The following TACC1 variants were observed in gnomAD, a reference collection of about 807,000 sequenced individuals.
The protein encoded by TACC1 is transforming acidic coiled-coil containing protein 1.
TACC1 carries 48 observed loss-of-function variants against 84.4 expected under a neutral mutation model. The observed-to-expected ratio is 0.57, with a 90% confidence interval of 0.45 to 0.72. The LOEUF (loss-of-function observed/expected upper bound fraction) is 0.72, where lower values mean the gene tolerates loss of function less well. TACC1 is among the 30% of genes least tolerant of loss of function. TACC1 has a pLI of 0.00. For synonymous variants in TACC1, 372 were observed against 376.3 expected, an observed-to-expected ratio of 0.99 and a Z score of 0.13; for missense variants, 920 against 973.0, an observed-to-expected ratio of 0.95 and a Z score of 0.72.
chr8:38,760,832 T>C (rs1412823973), intron 3 of TACC1, among the ~76,000 whole-genome samples: 1 of 152,206 alleles, frequency 6.6e-6, no homozygotes, highest in Non-Finnish European at 1.5e-5. Flanking sequence ...TCAGACCTAA[T>C]TTTTGAAGTG....
chr8:38,742,933 T>G (rs2151688121), intron 2 of TACC1, among the ~76,000 whole-genome samples: 1 of 152,308 alleles, frequency 6.6e-6, no homozygotes, highest in East Asian at 1.9e-4. Flanking sequence ...CAGGCCGGTC[T>G]CGAACTCCTG....
At position 38,849,597 on chromosome 8, in the gene TACC1, A is replaced by G. The variant is rs1387201929; in HGVS notation, c.*1574A>G. On this transcript the variant is annotated 3_prime_UTR_variant, in exon 13 of 13. Transcript: ENST00000317827. ...AACCTCTATAGATCTTAAAAAATGA[A>G]TTATTCTTTAGCAGTGTATTACTCA... The G allele has an allele frequency of 6.6e-6, 1 of 152,246 alleles. No individual in the cohort carries two copies. Among genetic ancestry groups the G allele is most frequent in the Non-Finnish European group, 1.5e-5 (1 of 68,038 alleles). The allele number at this position is 152,246 out of a possible 1,614,324, so 9.4% of individuals were successfully genotyped here.
chr8:38,788,954 T>C, intron 2 of TACC1, 135 bp downstream of exon 2: 1 of 681,392 alleles, frequency 1.5e-6, no homozygotes, highest in Non-Finnish European at 2.5e-6. Context: ...TGAAACCTCC[T>C]GGCTTATGTA....
intron 11 of TACC1, among the ~76,000 whole-genome samples, chr8:38,845,654 C>G (rs541547563): frequency 6.6e-6 from 1 of 152,202 alleles, no homozygotes; most frequent in Admixed American, 6.5e-5. Flanking sequence ...AACACTACAG[C>G]GAACATCCTG....
upstream of TACC1, among the ~76,000 whole-genome samples, chr8:38,785,096 A>AG (rs1816861016): frequency 7.9e-6 from 1 of 127,192 alleles, no homozygotes; most frequent in African/African-American, 3.0e-5. Context: ...TAAGTGCTGA[A>AG]GGACGTTCGA....
At chr8:38,804,462 G>T (rs971760274) in intron 2 of TACC1, among the ~76,000 whole-genome samples, 6 of 152,066 alleles carry the variant, frequency 3.9e-5, no homozygotes, top group Non-Finnish European at 8.8e-5. Context: ...ACCATGCCTG[G>T]CTAATTTTTT....
intron 5 of TACC1, among the ~76,000 whole-genome samples, chr8:38,829,895 T>G (rs1828875424): frequency 6.6e-6 from 1 of 152,230 alleles, no homozygotes; most frequent in South Asian, 2.1e-4. Flanking sequence ...GAATCCTGAC[T>G]GTGTCCTGGT....
At chr8:38,784,401 A>G (rs1239592055), upstream of TACC1, among the ~76,000 whole-genome samples, 2 of 152,084 alleles carry the variant, frequency 1.3e-5, no homozygotes, top group Non-Finnish European at 2.9e-5. Flanking sequence ...CCCCGTCTCT[A>G]CTAAAAAATA....
intron 3 of TACC1, among the ~76,000 whole-genome samples, chr8:38,772,530 G>T (rs1813844015): frequency 1.3e-5 from 2 of 152,190 alleles, no homozygotes; most frequent in Non-Finnish European, 2.9e-5. Flanking sequence ...GGCATGTTAT[G>T]CAGTGAAGAG....
chr8:38,806,417 G>T (rs932548107), intron 2 of TACC1, among the ~76,000 whole-genome samples: 1 of 151,984 alleles, frequency 6.6e-6, no homozygotes, highest in East Asian at 1.9e-4. Context: ...ATTGAGGGGG[G>T]GCTCTCTAGC....
At chr8:38,751,160 A>G (rs923081540) in intron 3 of TACC1, among the ~76,000 whole-genome samples, 6 of 152,040 alleles carry the variant, frequency 3.9e-5, no homozygotes, top group African/African-American at 9.7e-5. Context: ...AAGGTGGCCA[A>G]TTTGAAGGGT....
intron 3 of TACC1, among the ~76,000 whole-genome samples, chr8:38,756,110 G>C (rs751907056): frequency 1.3e-5 from 2 of 151,930 alleles, no homozygotes; most frequent in Admixed American, 6.6e-5. Context: ...CACCGCGCCC[G>C]GCCGGGAAGA....
intron 2 of TACC1, among the ~76,000 whole-genome samples, chr8:38,792,286 A>G (rs574345711): frequency 6.6e-6 from 1 of 152,284 alleles, no homozygotes; most frequent in South Asian, 2.1e-4. Flanking sequence ...AGGAGGTACA[A>G]TCTCAAGTTC....
At chr8:38,773,578 C>T (rs920239614) in intron 3 of TACC1, among the ~76,000 whole-genome samples, 1 of 147,466 alleles carries the variant, frequency 6.8e-6, no homozygotes. Flanking sequence ...ATCTAGCTAG[C>T]TATCTATCTA....
chr8:38,777,790 G>C (rs1034140925), intron 3 of TACC1, among the ~76,000 whole-genome samples: 1 of 152,108 alleles, frequency 6.6e-6, no homozygotes, highest in Non-Finnish European at 1.5e-5. Context: ...GCAAAACTCT[G>C]TCTCTAAAAG....
At chr8:38,823,514 A>G (rs1400280564) in intron 3 of TACC1, among the ~76,000 whole-genome samples, 1 of 152,210 alleles carries the variant, frequency 6.6e-6, no homozygotes, top group Non-Finnish European at 1.5e-5. Context: ...GGCCAAAGAA[A>G]GGGTAATTTA....
chr8:38,830,453 T>G (rs1828979871), intron 5 of TACC1, among the ~76,000 whole-genome samples: 2 of 152,154 alleles, frequency 1.3e-5, no homozygotes, highest in Non-Finnish European at 2.9e-5. Flanking sequence ...TTTTGTATTT[T>G]TAGTAGATGA....
intron 3 of TACC1, among the ~76,000 whole-genome samples, chr8:38,775,836 A>C (rs1302937243): frequency 6.6e-6 from 1 of 152,266 alleles, no homozygotes; most frequent in Non-Finnish European, 1.5e-5. Context: ...TATATCATAC[A>C]TGATGAGGTA....
intron 2 of TACC1, chr8:38,744,184 C>T (rs1392004770): frequency 1.3e-5 from 2 of 152,230 alleles, no homozygotes; most frequent in Non-Finnish European, 2.9e-5. Flanking sequence ...TCACAGCCAG[C>T]AGGGAAAAGA....
Sources: gnomAD v4.1 joint callset for allele counts (sites outside exome capture counted in the v4.1 genomes callset) on GRCh38, gnomAD v4.1.1 for gene constraint, MANE v1.5 for transcripts, NCBI Gene and HGNC (gene_info 2026-07-23, HGNC 2026-07-21) for gene names.